The following ABCA13 variants were observed in gnomAD, a reference collection of about 807,000 sequenced individuals.
The protein encoded by ABCA13 is ATP-binding cassette sub-family A member 13.
Under a neutral mutation model 478.7 loss-of-function variants are expected in ABCA13, and 476 were observed. That is an observed-to-expected ratio of 0.99 (90% CI 0.92 to 1.07). The LOEUF is 1.07. Among genes scored for constraint, ABCA13 ranks in the 50% least tolerant of loss-of-function variants. The pLI is 0.00. For missense variants in ABCA13, 6,060 were observed against 5,910.6 expected (o/e 1.03, Z -0.83); for synonymous variants, 2,252 against 2,158.9 (o/e 1.04, Z -1.20).
At chr7:48,187,221 G>T (rs1796480207) in intron 1 of ABCA13, among the ~76,000 whole-genome samples, 1 of 148,226 alleles carries the variant, frequency 6.7e-6, no homozygotes, top group Non-Finnish European at 1.5e-5. Context: ...ATGTTTTGAG[G>T]ATATATTTAA....
At chr7:48,284,726 A>T (rs935267027) in intron 19 of ABCA13, among the ~76,000 whole-genome samples, 4 of 152,182 alleles carry the variant, frequency 2.6e-5, no homozygotes, top group African/African-American at 9.7e-5. Context: ...TTAATTTTTA[A>T]TTTTTATATT....
chr7:48,195,208 AG>A (rs1439336831), intron 2 of ABCA13, among the ~76,000 whole-genome samples: 3 of 152,226 alleles, frequency 2.0e-5, no homozygotes, highest in Non-Finnish European at 4.4e-5. Context: ...AAATCAATAA[AG>A]GGCTTTGTAT....
chr7:48,463,694 G>T (rs945528603), intron 43 of ABCA13, among the ~76,000 whole-genome samples: 5 of 152,098 alleles, frequency 3.3e-5, no homozygotes, highest in African/African-American at 4.8e-5. Context: ...AAGCTGGTTG[G>T]ATCAGGAGAG....
rs1796549148 is a variant in ABCA13, at chr7:48,278,142, T to G, written c.6948T>G (p.Phe2316Leu). ...KILEILKLDQFLTLMIQDRLM... is the reference protein window; with the variant it reads ...KILEILKLDQLLTLMIQDRLM... The stretch of plus-strand genomic sequence containing the variant: ...TAGAAATTCTGAAACTGGATCAATT[T>G]CTTACCCTGATGATACAAGACAGAT... The change falls in exon 18 of 62, where the codon TTT becomes TTG. Residue 2316 changes from phenylalanine to leucine, a missense_variant. Coordinates refer to ENST00000435803, the MANE Select transcript of ABCA13 (RefSeq NM_152701.5). 1 of 1,466,036 alleles carries G rather than the reference T, an allele frequency of 6.8e-7. No homozygotes were observed. The highest frequency in any genetic ancestry group is 9.1e-7 in the Non-Finnish European group (1 of 1,099,480). The allele number at this position is 1,466,036 out of a possible 1,614,324, so 90.8% of individuals were successfully genotyped here. A position where few individuals can be genotyped will look rare whatever the true frequency, so the allele number is the denominator to read the frequency against.
chr7:48,378,534 A>G (rs1458862774), intron 35 of ABCA13, among the ~76,000 whole-genome samples: 1 of 152,034 alleles, frequency 6.6e-6, no homozygotes, highest in Non-Finnish European at 1.5e-5. Flanking sequence ...TCCTTCTTTC[A>G]TCTCCTCCTG....
At chr7:48,368,186 T>C (rs1019879157) in intron 32 of ABCA13, among the ~76,000 whole-genome samples, 7 of 152,178 alleles carry the variant, frequency 4.6e-5, no homozygotes, top group Admixed American at 4.6e-4. Context: ...TCAGCAACTT[T>C]TTTAAAACCC....
chr7:48,516,564 A>G (rs976404688), intron 51 of ABCA13, among the ~76,000 whole-genome samples, 161 bp from the exon 52 acceptor site: 1 of 152,154 alleles, frequency 6.6e-6, no homozygotes, highest in South Asian at 2.1e-4. Flanking sequence ...ATCAAACCTT[A>G]TCATAGGTTG....
intron 5 of ABCA13, among the ~76,000 whole-genome samples, chr7:48,225,123 G>A (rs1203276487): frequency 2.9e-5 from 3 of 105,078 alleles, no homozygotes; most frequent in Non-Finnish European, 4.3e-5. Context: ...CTGCCTGCCT[G>A]CCTGCCTGCC....
rs764224560 is a variant in ABCA13, at chr7:48,511,185, G to C, written c.13626G>C (p.Leu4542=). Residue 4542 remains leucine, a synonymous_variant, in exon 51 of 62, where the codon CTG becomes CTC. Transcript: ENST00000435803. ...FRKNLAATAL[L]LSLFGYATLP... ...AGAACTTGGCAGCCACGGCCCTCCT[G>C]CTGTCACTTTTCGGGTATGTGATGA... 4.3e-6 allele frequency: 7 copies of C among 1,611,722 alleles called. No individual in the cohort carries two copies. In the Admixed American group the frequency reaches 1.2e-4, roughly 27 times the overall value.
intron 59 of ABCA13, among the ~76,000 whole-genome samples, chr7:48,617,004 A>G (rs1369334612): frequency 6.6e-6 from 1 of 152,224 alleles, no homozygotes; most frequent in Non-Finnish European, 1.5e-5. Context: ...ACTACACTCC[A>G]GCCTGCGTGA....
rs149213896 is a variant in ABCA13 at position 48,189,939 on chromosome 7, T to C, written c.70-3020T>C. 3.6e-3 allele frequency among the ~76,000 whole-genome samples: 545 copies of C among 152,248 alleles called. 6 individuals are homozygous for C. The highest frequency in any genetic ancestry group is 0.012 in the African/African-American group (516 of 41,548). ...TAAGTCTGTAAAAATAAAGAACAAC[T>C]TAATAGAAAAATAGGCAACTGGAAG... On this transcript the variant is annotated intron_variant, in intron 1 of 61. Coordinates refer to ENST00000435803, the MANE Select transcript of ABCA13 (RefSeq NM_152701.5).
At chr7:48,233,588 A>G (rs912484650) in intron 7 of ABCA13, among the ~76,000 whole-genome samples, 14 of 152,208 alleles carry the variant, frequency 9.2e-5, no homozygotes, top group African/African-American at 3.1e-4. Context: ...TGGATATACT[A>G]TAATTTATCC....
At position 48,281,036 on chromosome 7, in the gene ABCA13, T is replaced by C. The variant is rs188148981; in HGVS notation, c.8727-307T>C. 4.9e-4 allele frequency among the ~76,000 whole-genome samples: 74 copies of C among 152,326 alleles called. 1 individual carries two copies. In the East Asian group the frequency reaches 0.013, roughly 27 times the overall value. On this transcript the variant is annotated intron_variant, in intron 18 of 61. Coordinates refer to ENST00000435803, the MANE Select transcript of ABCA13 (RefSeq NM_152701.5). ...TATACCTTAGCTCTTCATACCATCA[T>C]GTTTTGACACCTTTTCAACATTTAC... is the stretch of plus-strand genomic sequence containing the variant.
chr7:48,464,838 A>G (rs937054058), intron 43 of ABCA13, among the ~76,000 whole-genome samples: 2 of 152,190 alleles, frequency 1.3e-5, no homozygotes, highest in African/African-American at 4.8e-5. Flanking sequence ...GAACAAGGGT[A>G]AGCCTCCAGT....
Position 48,278,147 on chromosome 7 carries a change from C to A in ABCA13, c.6953C>A (p.Thr2318Asn), listed in dbSNP as rs1243515797. ...ATTCTGAAACTGGATCAATTTCTTA[C>A]CCTGATGATACAAGACAGATTGATG... ...LEILKLDQFL[T>N]LMIQDRLMNI... Residue 2318 changes from threonine to asparagine, a missense_variant, in exon 18 of 62, where the codon ACC (threonine) becomes AAC (asparagine). Physicochemically the swap from Thr to Asn is moderately conservative, Grantham distance 65. Transcript: ENST00000435803. 1 of 1,479,592 alleles carries A rather than the reference C, an allele frequency of 6.8e-7. No homozygotes were observed. Among genetic ancestry groups the A allele is most frequent in the Non-Finnish European group, 9.0e-7 (1 of 1,107,656 alleles). The allele number at this position is 1,479,592 out of a possible 1,614,324, so 91.7% of individuals were successfully genotyped here.
chr7:48,250,460 C>T (rs1387066727), intron 15 of ABCA13, among the ~76,000 whole-genome samples: 1 of 152,170 alleles, frequency 6.6e-6, no homozygotes, highest in African/African-American at 2.4e-5. Context: ...TGACAATCAG[C>T]CCCCATTCTG....
At chr7:48,433,202 T>C (rs1822375545) in intron 42 of ABCA13, among the ~76,000 whole-genome samples, 1 of 151,884 alleles carries the variant, frequency 6.6e-6, no homozygotes. Context: ...GGTAAAAAGA[T>C]GCTGGTAATG....
chr7:48,511,084 C>A lies in ABCA13; in HGVS notation c.13525C>A (p.Leu4509Ile). ...YWFTNFLYDM[L>I]FYLVSVCLCV... The stretch of plus-strand genomic sequence containing the variant: ...CCCTTATTTCTTTTTATCTTCTCAG[C>A]TCTTTTACTTGGTTTCCGTCTGCCT... The change falls in exon 51 of 62, where the codon CTC becomes ATC. Residue 4509 changes from leucine (L) to isoleucine (I), a missense_variant and splice_region_variant. Physicochemically the swap from Leu to Ile is conservative, Grantham distance 5. Transcript: ENST00000435803. 3 of 1,611,938 alleles carry A rather than the reference C, an allele frequency of 1.9e-6. No individual in the cohort carries two copies. Among genetic ancestry groups the A allele is most frequent in the Non-Finnish European group, 2.5e-6 (3 of 1,178,174 alleles).
intron 55 of ABCA13, among the ~76,000 whole-genome samples, chr7:48,558,088 G>C (rs985160490): frequency 6.7e-6 from 1 of 150,218 alleles, no homozygotes; most frequent in East Asian, 2.0e-4. Context: ...CTGTTAAGAG[G>C]CTCTGATGCA....
Sources: gnomAD v4.1 joint callset for allele counts (sites outside exome capture counted in the v4.1 genomes callset) on GRCh38, gnomAD v4.1.1 for gene constraint, MANE v1.5 for transcripts, NCBI Gene and HGNC (gene_info 2026-07-23, HGNC 2026-07-21) for gene names.